UNC79: variants seen among roughly 807,000 people sequenced by gnomAD.
UNC79 encodes the protein protein unc-79 homolog.
Under a neutral mutation model 283.1 loss-of-function variants are expected in UNC79, and 37 were observed. The observed-to-expected ratio is 0.13, with a 90% CI of 0.10 to 0.17. UNC79 has a LOEUF of 0.17. Ranked by LOEUF, UNC79 falls within the 10% of genes least tolerant of loss-of-function variation. The pLI is 1.00. For missense variants in UNC79, 2,272 were observed against 3,211.1 expected, an observed-to-expected ratio of 0.71 and a Z score of 7.07; for synonymous variants, 1,107 against 1,200.2, an observed-to-expected ratio of 0.92 and a Z score of 1.61.
At position 93,687,649 on chromosome 14, in the gene UNC79, A is replaced by G. The variant is rs187109437; in HGVS notation, c.6909+988A>G. Among the ~76,000 whole-genome samples the G allele has an allele frequency of 1.8e-3, 272 of 152,310 alleles. 2 individuals carry two copies. The highest frequency in any genetic ancestry group is 0.014 in the Admixed American group (215 of 15,306). ...ATAGATTTGCAAATCCCAGGCAGAA[A>G]GTAGAATCAAAATGTAAACTGAGAA... On this transcript the variant is annotated intron_variant, in intron 43 of 48. Coordinates refer to ENST00000555664, the Ensembl canonical transcript of UNC79.
intron 1 of UNC79, among the ~76,000 whole-genome samples, chr14:93,371,995 G>C (rs953876272): frequency 6.6e-6 from 1 of 152,126 alleles, no homozygotes; most frequent in Admixed American, 6.5e-5. Flanking sequence ...AAGAAATAAA[G>C]GCATTGACAA....
intron 1 of UNC79, chr14:93,334,820 G>A (rs898614280): frequency 2.0e-5 from 3 of 152,150 alleles, no homozygotes; most frequent in Admixed American, 1.3e-4. Context: ...GTGGGTCCTG[G>A]AACCAATCCC....
intron 7 of UNC79, among the ~76,000 whole-genome samples, chr14:93,506,761 G>A (rs2059565409): frequency 6.6e-6 from 1 of 151,994 alleles, no homozygotes; most frequent in African/African-American, 2.4e-5. Context: ...CTTTATTAAG[G>A]TATATTTTAC....
At chr14:93,378,004 T>C (rs372452952) in intron 1 of UNC79, among the ~76,000 whole-genome samples, 1 of 152,308 alleles carries the variant, frequency 6.6e-6, no homozygotes, top group East Asian at 1.9e-4. Context: ...AATAATCAGG[T>C]ATCCAGACTT....
intron 4 of UNC79, among the ~76,000 whole-genome samples, chr14:93,481,517 A>C (rs1189754117): frequency 1.3e-5 from 2 of 152,180 alleles, no homozygotes; most frequent in African/African-American, 4.8e-5. Context: ...ATAATTGTTT[A>C]AGATTATTCT....
At chr14:93,679,458 A>C (rs75846886) in intron 41 of UNC79, among the ~76,000 whole-genome samples, 1 of 50,156 alleles carries the variant, frequency 2.0e-5, no homozygotes, top group Non-Finnish European at 9.2e-5. Context: ...ATTCCATCTC[A>C]AAAAAAAAAA....
rs893752159 is a variant in UNC79 at position 93,395,011 on chromosome 14, C to A, written c.-351+61488C>A. Among the ~76,000 whole-genome samples, 3 of 152,164 alleles carry A rather than the reference C, an allele frequency of 2.0e-5. No homozygotes were observed. The East Asian group carries it at 5.8e-4, about 29-fold the overall frequency. ...TACAGACATGAGCCACTTCACCTGG[C>A]CTGTCTTTTAAATTATATAGAAAAG... On this transcript the variant is annotated intron_variant, in intron 1 of 49. Coordinates refer to the UNC79 transcript ENST00000256339.
chr14:93,495,757 C>T (rs1401152359), intron 5 of UNC79, among the ~76,000 whole-genome samples: 4 of 152,144 alleles, frequency 2.6e-5, no homozygotes, highest in African/African-American at 4.8e-5. Flanking sequence ...CAGCATAGGC[C>T]TGGAATATAG....
Position 93,621,656 on chromosome 14 carries a change from G to A in UNC79, c.4423G>A (p.Ala1475Thr), listed in dbSNP as rs1301740389. 1.3e-6 allele frequency: 2 copies of A among 1,597,820 alleles called. No individual in the cohort carries two copies. Among genetic ancestry groups the A allele is most frequent in the Non-Finnish European group, 8.5e-7 (1 of 1,172,724 alleles). Reference sequence around the variant, plus strand: ...ACTGGCTGAATATAGAGAGACGGGTGCATTACAAGACAGCCTTCTCCACTG... The same window carrying A: ...ACTGGCTGAATATAGAGAGACGGGTACATTACAAGACAGCCTTCTCCACTG... Residue 1475 changes from alanine to threonine, a missense_variant, in exon 30 of 49, where the codon GCA (alanine) becomes ACA (threonine). Physicochemically the swap from Ala to Thr is moderately conservative, Grantham distance 58. Coordinates refer to ENST00000555664, the Ensembl canonical transcript of UNC79. This position sits in a 1 kb window ranked among gnomAD's most constrained non-coding sequence, Gnocchi z 4.8.
intron 42 of UNC79, 91 bp from the exon 46 acceptor site, chr14:93,686,481 T>A: frequency 7.3e-7 from 1 of 1,362,388 alleles, no homozygotes; most frequent in Non-Finnish European, 1.0e-6. Context: ...GTAAAACGAC[T>A]CCTTAGTAAA....
intron 1 of UNC79, chr14:93,347,093 C>T (rs1264424122): frequency 1.6e-5 from 9 of 569,482 alleles, no homozygotes; most frequent in East Asian, 3.2e-5. Flanking sequence ...GCGGAAGAGG[C>T]GGGGCAGAGC....
chr14:93,351,969 C>T (rs1036998204), intron 1 of UNC79, among the ~76,000 whole-genome samples: 1 of 152,216 alleles, frequency 6.6e-6, no homozygotes, highest in African/African-American at 2.4e-5. Flanking sequence ...TTCACAGAAA[C>T]ACCTAAATGG....
intron 2 of UNC79, among the ~76,000 whole-genome samples, chr14:93,472,482 A>C (rs2057561803): frequency 6.8e-6 from 1 of 147,800 alleles, no homozygotes; most frequent in Non-Finnish European, 1.5e-5. Flanking sequence ...ACAAAAAAAA[A>C]TCTTAAGTTA....
chr14:93,462,393 C>G (rs1470830523), intron 1 of UNC79, among the ~76,000 whole-genome samples: 2 of 152,196 alleles, frequency 1.3e-5, no homozygotes, highest in Non-Finnish European at 2.9e-5. Flanking sequence ...GGGACTTTGA[C>G]CACACTAAGG....
Position 93,691,754 on chromosome 14 carries a change from C to T in UNC79, c.7278C>T (p.Ser2426=), listed in dbSNP as rs151304420. The change falls in exon 46 of 49, where the codon TCC becomes TCT. Residue 2426 remains serine (S), a synonymous_variant. Coordinates refer to ENST00000555664, the Ensembl canonical transcript of UNC79. The stretch of plus-strand genomic sequence containing the variant: ...GCCGTCTTCTTCCTTTTCAGACCTC[C>T]GTGCTGCACATGTGCTCCCTCTTCC... 8 of 1,613,996 alleles carry T rather than the reference C, an allele frequency of 5.0e-6. No homozygotes were observed. The African/African-American group carries it at 5.3e-5, about 11-fold the overall frequency.
At chr14:93,505,793 T>A (rs10146078) in intron 7 of UNC79, among the ~76,000 whole-genome samples, 128,798 of 150,368 alleles carry the variant, frequency 0.86, 55,317 homozygotes, top group East Asian at 0.93. Flanking sequence ...TCTTTGGCTT[T>A]GTAAGTTATT....
chr14:93,595,394 T>A (rs550065739), intron 23 of UNC79, among the ~76,000 whole-genome samples: 1 of 152,142 alleles, frequency 6.6e-6, no homozygotes, highest in South Asian at 2.1e-4. Flanking sequence ...CCGGCCAAGG[T>A]CATGTTACTT....
At chr14:93,634,464 C>A in intron 31 of UNC79, 57 bp from the exon 34 acceptor site, 1 of 1,290,200 alleles carries the variant, frequency 7.8e-7, no homozygotes, top group Non-Finnish European at 1.1e-6. Flanking sequence ...ATGTGTGGAG[C>A]CTTTGTGTGC....
At chr14:93,625,101 T>C (rs568631121) in intron 30 of UNC79, among the ~76,000 whole-genome samples, 41 of 152,320 alleles carry the variant, frequency 2.7e-4, no homozygotes, top group African/African-American at 9.6e-4. Context: ...TGGTCCTTCA[T>C]GAGCAAAATC....
Sources: gnomAD v4.1 joint callset for allele counts (sites outside exome capture counted in the v4.1 genomes callset) on GRCh38, gnomAD v4.1.1 for gene constraint, Gnocchi (gnomAD v3.1) non-coding constraint, MANE v1.5 for transcripts, NCBI Gene and HGNC (gene_info 2026-07-23, HGNC 2026-07-21) for gene names.